Variants in IMMP2L observed in about 807,000 individuals in gnomAD.
IMMP2L encodes inner mitochondrial membrane peptidase subunit 2.
A neutral mutation model predicts 19.3 loss-of-function variants in IMMP2L; 18 were observed. That is an observed-to-expected ratio of 0.93 (90% confidence interval 0.64 to 1.38). The LOEUF is 1.38. Among genes scored for constraint, IMMP2L ranks in the 40% most tolerant of loss-of-function variants. The pLI is 0.00. For missense variants in IMMP2L, 233 were observed against 218.2 expected (o/e 1.07, Z -0.43); for synonymous variants, 76 against 73.0 (o/e 1.04, Z -0.21).
chr7:111,505,351 T>C (rs1004603363), intron 2 of IMMP2L, among the ~76,000 whole-genome samples: 1 of 151,184 alleles, frequency 6.6e-6, no homozygotes, highest in East Asian at 1.9e-4. Context: ...TGTGGAGAAA[T>C]AGGAACACTT....
chr7:111,332,246 A>G (rs1825952605), intron 3 of IMMP2L, among the ~76,000 whole-genome samples: 1 of 151,898 alleles, frequency 6.6e-6, no homozygotes, highest in Non-Finnish European at 1.5e-5. Context: ...AACTTCAAAA[A>G]TCGAATAGTA....
At chr7:111,138,502 G>T (rs1025084621) in intron 3 of IMMP2L, among the ~76,000 whole-genome samples, 2 of 152,086 alleles carry the variant, frequency 1.3e-5, no homozygotes, top group African/African-American at 4.8e-5. Flanking sequence ...TATTACATAG[G>T]CAATATAATT....
At chr7:111,281,148 C>A (rs151082298) in intron 3 of IMMP2L, among the ~76,000 whole-genome samples, 678 of 55,066 alleles carry the variant, frequency 0.012, 13 homozygotes, top group African/African-American at 0.043. Flanking sequence ...GACAGAAAGA[C>A]AGAAAGACAG....
At chr7:110,843,126 A>G (rs868506493) in intron 5 of IMMP2L, among the ~76,000 whole-genome samples, 7 of 152,220 alleles carry the variant, frequency 4.6e-5, no homozygotes, top group African/African-American at 1.4e-4. Flanking sequence ...ACGACGACAA[A>G]AAAGACAAAG....
intron 5 of IMMP2L, among the ~76,000 whole-genome samples, chr7:110,748,785 C>T (rs1473931475): frequency 6.6e-6 from 1 of 152,124 alleles, no homozygotes; most frequent in African/African-American, 2.4e-5. Flanking sequence ...AGACCTAAAA[C>T]CATAAAAACC....
chr7:111,173,469 A>G (rs1236668676), intron 3 of IMMP2L, among the ~76,000 whole-genome samples: 1 of 151,600 alleles, frequency 6.6e-6, no homozygotes, highest in Non-Finnish European at 1.5e-5. Flanking sequence ...GAGAACGTTA[A>G]GTTAGTGTCT....
At chr7:110,830,918 G>A (rs962456516) in intron 5 of IMMP2L, among the ~76,000 whole-genome samples, 2 of 152,104 alleles carry the variant, frequency 1.3e-5, no homozygotes, top group Non-Finnish European at 2.9e-5. Flanking sequence ...GCAAACACAG[G>A]CTTAGAACAA....
chr7:111,025,889 C>A (rs892272311), intron 3 of IMMP2L, among the ~76,000 whole-genome samples: 2 of 152,046 alleles, frequency 1.3e-5, no homozygotes, highest in African/African-American at 4.8e-5. Context: ...ATTCAGGTGG[C>A]TTTTTCTCAG....
At chr7:110,918,452 CTT>C (rs1029668134) in intron 4 of IMMP2L, among the ~76,000 whole-genome samples, 22 of 130,436 alleles carry the variant, frequency 1.7e-4, no homozygotes, top group Non-Finnish European at 2.0e-4. Flanking sequence ...TTCTTTTTTT[CTT>C]TTTTTTTTTT....
At chr7:110,689,483 C>G (rs1187760008) in intron 5 of IMMP2L, among the ~76,000 whole-genome samples, 1 of 152,094 alleles carries the variant, frequency 6.6e-6, no homozygotes, top group Non-Finnish European at 1.5e-5. Context: ...CCTGTTTAAA[C>G]TGTCCATTGA....
chr7:111,048,158 T>C (rs1281158950), intron 3 of IMMP2L, among the ~76,000 whole-genome samples: 3 of 128,880 alleles, frequency 2.3e-5, no homozygotes, highest in African/African-American at 9.1e-5. Context: ...GAGAATGGCG[T>C]GAACCCGGGA....
At chr7:111,228,168 C>T (rs1251567219) in intron 3 of IMMP2L, among the ~76,000 whole-genome samples, 11 of 151,806 alleles carry the variant, frequency 7.2e-5, no homozygotes, top group Non-Finnish European at 1.3e-4. Context: ...TTCTGAAACA[C>T]AAAATAATTC....
intron 3 of IMMP2L, among the ~76,000 whole-genome samples, chr7:111,388,812 C>T (rs1167575308): frequency 6.6e-6 from 1 of 152,058 alleles, no homozygotes; most frequent in African/African-American, 2.4e-5. Context: ...CCTCCCACAA[C>T]ACATGGGAAT....
At chr7:110,989,531 CAAAAA>C (rs778163183) in intron 3 of IMMP2L, among the ~76,000 whole-genome samples, 1 of 60,952 alleles carries the variant, frequency 1.6e-5, no homozygotes, top group Non-Finnish European at 3.3e-5. Flanking sequence ...CTCTGTCTCC[CAAAAA>C]AAAAAAAAAA....
chr7:110,721,079 GCTTCC>G (rs1288411665), intron 5 of IMMP2L, among the ~76,000 whole-genome samples: 2 of 141,370 alleles, frequency 1.4e-5, no homozygotes, highest in Non-Finnish European at 3.0e-5. Context: ...GAGTTATCTT[GCTTCC>G]CTTCCAAGGA....
chr7:111,551,705 C>T (rs576915857), intron 1 of IMMP2L, among the ~76,000 whole-genome samples: 1 of 152,064 alleles, frequency 6.6e-6, no homozygotes, highest in African/African-American at 2.4e-5. Context: ...ACTACCACCT[C>T]AGCAAAATAC....
chr7:110,975,701 T>C (rs1378212868), intron 3 of IMMP2L, among the ~76,000 whole-genome samples: 1 of 152,090 alleles, frequency 6.6e-6, no homozygotes, highest in Non-Finnish European at 1.5e-5. Context: ...TTGTTCTGAA[T>C]GGTGGCTTTG....
intron 5 of IMMP2L, among the ~76,000 whole-genome samples, chr7:110,879,565 T>C (rs1192111760): frequency 1.3e-5 from 2 of 152,166 alleles, no homozygotes; most frequent in African/African-American, 2.4e-5. Context: ...TAACCAATCC[T>C]GAATTTTTTA....
intron 5 of IMMP2L, among the ~76,000 whole-genome samples, chr7:110,670,410 C>A (rs1367064259): frequency 6.6e-6 from 1 of 152,146 alleles, no homozygotes; most frequent in South Asian, 2.1e-4. Context: ...CGCTACGCAG[C>A]CGGGTGTGGT....
Sources: gnomAD v4.1 joint callset for allele counts (sites outside exome capture counted in the v4.1 genomes callset) on GRCh38, gnomAD v4.1.1 for gene constraint, MANE v1.5 for transcripts, NCBI Gene and HGNC (gene_info 2026-07-23, HGNC 2026-07-21) for gene names.